The following WIPF3 variants were observed in gnomAD, a reference collection of about 807,000 sequenced individuals.
WIPF3 encodes the protein WAS/WASL interacting protein family member 3.
A neutral mutation model predicts 38.9 loss-of-function variants in WIPF3; 33 were observed. The observed-to-expected ratio is 0.85, with a 90% CI of 0.64 to 1.14. The LOEUF is 1.14. Among genes scored for constraint, WIPF3 ranks in the 50% most tolerant of loss-of-function variants. The probability of loss-of-function intolerance (pLI) is 0.00; values close to 1 mark genes in which losing one functional copy is unlikely to be tolerated. For synonymous variants in WIPF3, 324 were observed against 269.3 expected (o/e 1.20, Z -1.99); for missense variants, 711 against 652.5 (o/e 1.09, Z -0.98).
At chr7:29,903,998 G>A (rs1359299255) in intron 7 of WIPF3, among the ~76,000 whole-genome samples, 1 of 152,148 alleles carries the variant, frequency 6.6e-6, no homozygotes. Flanking sequence ...GCACATTGTG[G>A]ATAATGGATG....
chr7:29,870,414 C>T (rs1785474150), intron 2 of WIPF3, among the ~76,000 whole-genome samples: 1 of 151,900 alleles, frequency 6.6e-6, no homozygotes, highest in African/African-American at 2.4e-5. Flanking sequence ...ATCATGGCAG[C>T]GATGGAGAAG....
chr7:29,905,254 G>A (rs997936872), intron 8 of WIPF3: 8 of 152,158 alleles, frequency 5.3e-5, no homozygotes, highest in African/African-American at 1.9e-4. Context: ...ATTCTTAGAC[G>A]ATCACAGGTT....
intron 2 of WIPF3, among the ~76,000 whole-genome samples, chr7:29,847,063 T>C (rs1000148396): frequency 1.3e-5 from 2 of 152,232 alleles, no homozygotes; most frequent in African/African-American, 4.8e-5. Flanking sequence ...CAATGCATCT[T>C]TAATGCCCTG....
chr7:29,863,833 T>G (rs912533999), intron 2 of WIPF3, among the ~76,000 whole-genome samples: 1 of 152,236 alleles, frequency 6.6e-6, no homozygotes, highest in Admixed American at 6.5e-5. Context: ...GAGCATATTT[T>G]AAGGTATTTT....
rs141746842 is a variant in WIPF3, at chr7:29,841,278, C to T, written c.90+6464C>T. ...TAGGTTAGGGGGAAATTAGGCTAAA[C>T]ATTTTTTAGTTTCAGCCTTCTACCT... On this transcript the variant is annotated intron_variant, in intron 2 of 8. Coordinates refer to ENST00000242140, the MANE Select transcript of WIPF3 (RefSeq NM_001080529.3). Among the ~76,000 whole-genome samples the T allele has an allele frequency of 4.7e-3, 711 of 152,304 alleles. 2 individuals carry two copies. Among genetic ancestry groups the T allele is most frequent in the Non-Finnish European group, 7.6e-3 (516 of 68,020 alleles).
chr7:29,848,397 C>T (rs2128068107), intron 2 of WIPF3, among the ~76,000 whole-genome samples: 1 of 152,300 alleles, frequency 6.6e-6, no homozygotes, highest in African/African-American at 2.4e-5. Context: ...ACGTGGGTTT[C>T]CCTAGACTTG....
chr7:29,847,396 T>G (rs924472320), intron 2 of WIPF3, among the ~76,000 whole-genome samples: 2 of 152,168 alleles, frequency 1.3e-5, no homozygotes, highest in Non-Finnish European at 2.9e-5. Flanking sequence ...CTATGCCCTC[T>G]GAAGGTTTGT....
At chr7:29,830,281 C>A (rs1562772407) in intron 1 of WIPF3, among the ~76,000 whole-genome samples, 1 of 151,584 alleles carries the variant, frequency 6.6e-6, no homozygotes. Flanking sequence ...GAGGGAGGGG[C>A]AAGCAGAAGA....
chr7:29,867,811 C>G (rs1482601068), intron 2 of WIPF3, among the ~76,000 whole-genome samples: 1 of 152,186 alleles, frequency 6.6e-6, no homozygotes, highest in African/African-American at 2.4e-5. Flanking sequence ...AAAACAGCCA[C>G]TTCTCTTCCC....
At chr7:29,853,584 G>A (rs1297375414) in intron 2 of WIPF3, among the ~76,000 whole-genome samples, 1 of 152,334 alleles carries the variant, frequency 6.6e-6, no homozygotes, top group Middle Eastern at 3.4e-3. Context: ...TCTCACACAG[G>A]GGCCCTGCAT....
chr7:29,841,983 T>C (rs2128066875), intron 2 of WIPF3, among the ~76,000 whole-genome samples: 1 of 152,354 alleles, frequency 6.6e-6, no homozygotes, highest in East Asian at 1.9e-4. Flanking sequence ...AAACTTTTCC[T>C]TTCAACTGTA....
intron 2 of WIPF3, 30 bp downstream of exon 2, chr7:29,834,844 G>A (rs1365895463): frequency 6.7e-7 from 1 of 1,494,836 alleles, no homozygotes; most frequent in Non-Finnish European, 9.0e-7. Context: ...TTGGTTTACT[G>A]TGGAGCATAA....
intron 8 of WIPF3, 44 bp downstream of exon 8, chr7:29,904,406 C>T: frequency 1.9e-6 from 3 of 1,575,872 alleles, no homozygotes; most frequent in Non-Finnish European, 2.6e-6. Flanking sequence ...CAGGAATTCT[C>T]CTCAGGAGGC....
intron 2 of WIPF3, among the ~76,000 whole-genome samples, chr7:29,858,931 A>G (rs1226342448): frequency 6.6e-6 from 1 of 152,190 alleles, no homozygotes; most frequent in Non-Finnish European, 1.5e-5. Context: ...TTTTATTTTA[A>G]TGAAGCTTTA....
At chr7:29,912,869 G>A (rs1246264728) in intron 8 of WIPF3, among the ~76,000 whole-genome samples, 2 of 152,220 alleles carry the variant, frequency 1.3e-5, no homozygotes, top group Admixed American at 6.5e-5. Context: ...ACTTACGGTA[G>A]TAGAAACAGC....
At chr7:29,850,184 C>T (rs1027410564) in intron 2 of WIPF3, among the ~76,000 whole-genome samples, 7 of 152,202 alleles carry the variant, frequency 4.6e-5, no homozygotes, top group Non-Finnish European at 1.0e-4. Flanking sequence ...AGGCACCATG[C>T]TTGTTCCCCA....
chr7:29,879,576 A>G (rs1785674977), intron 4 of WIPF3, among the ~76,000 whole-genome samples: 3 of 152,384 alleles, frequency 2.0e-5, no homozygotes, highest in African/African-American at 7.2e-5. Flanking sequence ...AAAACTTAAA[A>G]GCTTTAAACA....
At chr7:29,855,384 T>G (rs1412498939) in intron 2 of WIPF3, among the ~76,000 whole-genome samples, 1 of 152,248 alleles carries the variant, frequency 6.6e-6, no homozygotes, top group Non-Finnish European at 1.5e-5. Flanking sequence ...TCTAATGACA[T>G]AAATTGCTGA....
chr7:29,815,789 T>G (rs941644107), intron 1 of WIPF3, among the ~76,000 whole-genome samples: 1 of 152,356 alleles, frequency 6.6e-6, no homozygotes. Context: ...AGAATTAAAC[T>G]GTAGGGGTTA....
Sources: gnomAD v4.1 joint callset for allele counts (sites outside exome capture counted in the v4.1 genomes callset) on GRCh38, gnomAD v4.1.1 for gene constraint, MANE v1.5 for transcripts, NCBI Gene and HGNC (gene_info 2026-07-23, HGNC 2026-07-21) for gene names.